The following NPR3 variants were observed in gnomAD, a reference collection of about 807,000 sequenced individuals.
NPR3 encodes the protein atrial natriuretic peptide receptor 3.
Under a neutral mutation model 54.5 loss-of-function variants are expected in NPR3, and 34 were observed. That is an observed-to-expected ratio of 0.62 (90% confidence interval 0.47 to 0.83). NPR3 has a LOEUF of 0.83. Among genes scored for constraint, NPR3 ranks in the 40% least tolerant of loss-of-function variants. The pLI is 0.00. For missense variants in NPR3, 674 were observed against 720.8 expected (o/e 0.94, Z 0.74); for synonymous variants, 289 against 297.1 (o/e 0.97, Z 0.28).
intron 3 of NPR3, among the ~76,000 whole-genome samples, chr5:32,762,992 T>G (rs1579675775): frequency 6.6e-6 from 1 of 150,958 alleles, no homozygotes; most frequent in African/African-American, 2.5e-5. Context: ...TTAATCCATC[T>G]TGAGTTAATT....
At chr5:32,762,164 G>A (rs1406920783) in intron 3 of NPR3, among the ~76,000 whole-genome samples, 4 of 152,104 alleles carry the variant, frequency 2.6e-5, no homozygotes, top group Non-Finnish European at 4.4e-5. Context: ...TAGTTTACAT[G>A]TGCCACATTT....
chr5:32,693,428 G>T (rs568397246), intron 1 of NPR3, among the ~76,000 whole-genome samples: 2 of 152,210 alleles, frequency 1.3e-5, no homozygotes, highest in East Asian at 3.9e-4. Flanking sequence ...AGGGAATGCA[G>T]GATTGAAGAA....
At chr5:32,768,050 T>G (rs921148079) in intron 3 of NPR3, among the ~76,000 whole-genome samples, 18 of 152,208 alleles carry the variant, frequency 1.2e-4, no homozygotes, top group Admixed American at 1.1e-3. Context: ...GTGGGATGCC[T>G]GCTCCTGATC....
At position 32,695,871 on chromosome 5, in the gene NPR3, T is replaced by C. The variant is rs147746684; in HGVS notation, c.100+6685T>C. ...CTCTGCCCATTTTTAAATCACATAA[T>C]TAGATATTTTCCTATAGAGTTGTTT... On this transcript the variant is annotated intron_variant, in intron 1 of 5. Coordinates refer to the NPR3 transcript ENST00000509104. Among the ~76,000 whole-genome samples, 8 of 152,334 alleles carry C rather than the reference T, an allele frequency of 5.3e-5. No homozygotes were observed. The East Asian group carries it at 1.5e-3, about 29-fold the overall frequency.
rs1053938625 is a variant in NPR3 at position 32,693,734 on chromosome 5, A to G, written c.100+4548A>G. Among the ~76,000 whole-genome samples the G allele has an allele frequency of 4.6e-5, 7 of 152,374 alleles. 1 individual carries two copies. In the East Asian group the frequency reaches 5.8e-4, roughly 13 times the overall value. On this transcript the variant is annotated intron_variant, in intron 1 of 5. Coordinates refer to the NPR3 transcript ENST00000509104. ...GCCATAGAGCACCATAGTCCTTGAC[A>G]TACTGTAGATGTTTCAAAGGTTTCT...
At chr5:32,774,604 TA>T in intron 3 of NPR3, 103 bp from the exon 4 acceptor site, 2 of 841,214 alleles carry the variant, frequency 2.4e-6, no homozygotes, top group Non-Finnish European at 2.0e-6. Context: ...CTGCCATGGC[TA>T]ACAGACCTGA....
intron 3 of NPR3, among the ~76,000 whole-genome samples, chr5:32,771,187 TG>T (rs1245658071): frequency 6.6e-6 from 1 of 152,176 alleles, no homozygotes; most frequent in East Asian, 1.9e-4. Context: ...AGCCGGTCTC[TG>T]GGGCTTTGCT....
At chr5:32,759,563 G>A (rs1219587981) in intron 3 of NPR3, among the ~76,000 whole-genome samples, 1 of 152,138 alleles carries the variant, frequency 6.6e-6, no homozygotes, top group Non-Finnish European at 1.5e-5. Flanking sequence ...TATCCAATTT[G>A]CCAGTCTGTG....
chr5:32,754,344 A>AG lies in NPR3; in HGVS notation c.1059+15317dup, dbSNP rs1740725383. ...TGGAAGTTATGAAAAATGATTGTAAAGGGTTTTTTTTTTCTTTTTTTAAGC... is the reference window on the plus strand; with the variant it reads ...TGGAAGTTATGAAAAATGATTGTAAAGGGGTTTTTTTTTTCTTTTTTTAAGC... On this transcript the variant is annotated intron_variant, in intron 3 of 7. Transcript: ENST00000265074. Among the ~76,000 whole-genome samples the AG allele has an allele frequency of 2.8e-5, 4 of 145,150 alleles. No individual in the cohort carries two copies. The South Asian group carries it at 6.4e-4, about 23-fold the overall frequency.
In NPR3 at chr5:32,724,780, C is replaced by T. The variant is rs374205048; in HGVS notation, c.852C>T (p.Tyr284=). 110 of 1,613,880 alleles carry T rather than the reference C, an allele frequency of 6.8e-5. No individual in the cohort carries two copies. The highest frequency in any genetic ancestry group is 7.6e-5 in the Non-Finnish European group (90 of 1,179,870). The change falls in exon 2 of 8, where the codon TAC becomes TAT. Residue 284 remains tyrosine (Y), a synonymous_variant. Transcript: ENST00000265074. The part of the protein sequence containing the change: ...AHRHGMTSGD[Y]AFFNIELFNS... ...GGCATGGCATGACCAGTGGAGACTA[C>T]GCCTTCTTCAACATTGAGCTCTTCA...
intron 3 of NPR3, among the ~76,000 whole-genome samples, chr5:32,774,494 C>T (rs1332880676): frequency 2.0e-5 from 3 of 152,136 alleles, no homozygotes; most frequent in South Asian, 2.1e-4. Flanking sequence ...GACTTCTGTA[C>T]GAGGCTTTCC....
intron 3 of NPR3, among the ~76,000 whole-genome samples, chr5:32,742,956 G>A (rs759331449): frequency 3.3e-5 from 5 of 152,058 alleles, no homozygotes; most frequent in East Asian, 1.9e-4. Context: ...TGCATTCATC[G>A]TATTACCATG....
intron 4 of NPR3, among the ~76,000 whole-genome samples, chr5:32,777,587 T>C (rs1742124192): frequency 6.6e-6 from 1 of 152,238 alleles, no homozygotes; most frequent in Admixed American, 6.5e-5. Context: ...TTGGGACTCC[T>C]GTCCCTTAGT....
At chr5:32,741,583 T>G (rs1300928088) in intron 3 of NPR3, among the ~76,000 whole-genome samples, 1 of 152,198 alleles carries the variant, frequency 6.6e-6, no homozygotes, top group African/African-American at 2.4e-5. Context: ...ATAAGAGCAC[T>G]TTAGAGATTA....
Position 32,788,984 on chromosome 5 carries a change from G to A in NPR3, c.*2639G>A, listed in dbSNP as rs1742769745. On this transcript the variant is annotated 3_prime_UTR_variant, in exon 8 of 8. Transcript: ENST00000265074. ...GTTACCCTGGATTCAGGTCTCTCAT[G>A]ATTATATTTGGGGATTTACGTTCCT... 1 of 153,698 alleles carries A rather than the reference G, an allele frequency of 6.5e-6. No individual in the cohort carries two copies. The highest frequency in any genetic ancestry group is 2.4e-5 in the African/African-American group (1 of 41,418). The allele number at this position is 153,698 out of a possible 1,614,324, so 9.5% of individuals were successfully genotyped here.
At chr5:32,764,122 G>A (rs1483795900) in intron 3 of NPR3, among the ~76,000 whole-genome samples, 1 of 152,148 alleles carries the variant, frequency 6.6e-6, no homozygotes, top group Non-Finnish European at 1.5e-5. Context: ...ATGTTCCTCA[G>A]CTTCTCAGCC....
chr5:32,767,904 T>C (rs538069380), intron 3 of NPR3, among the ~76,000 whole-genome samples: 2 of 152,294 alleles, frequency 1.3e-5, no homozygotes, highest in East Asian at 3.9e-4. Flanking sequence ...TAGAATTACA[T>C]GCTCCTTCTG....
intron 1 of NPR3, among the ~76,000 whole-genome samples, chr5:32,691,494 A>G (rs1161635823): frequency 1.3e-5 from 2 of 152,234 alleles, no homozygotes; most frequent in Non-Finnish European, 2.9e-5. Flanking sequence ...TTCATCCAGA[A>G]GACAGACTCT....
chr5:32,734,256 G>A (rs1206475548), intron 2 of NPR3, among the ~76,000 whole-genome samples: 2 of 152,196 alleles, frequency 1.3e-5, no homozygotes, highest in Non-Finnish European at 2.9e-5. Flanking sequence ...CAGAGCTGAA[G>A]AGCCACAGTA....
Sources: allele counts gnomAD v4.1 joint callset (sites outside exome capture counted in the v4.1 genomes callset), GRCh38; gene constraint gnomAD v4.1.1; transcripts MANE v1.5; gene names NCBI Gene and HGNC (gene_info 2026-07-23, HGNC 2026-07-21).